Variants in PTPRG observed in about 807,000 individuals in gnomAD.
The protein encoded by PTPRG is receptor-type tyrosine-protein phosphatase gamma.
A neutral mutation model predicts 165.3 loss-of-function variants in PTPRG; 102 were observed. That is an observed-to-expected ratio of 0.62 (90% CI 0.53 to 0.73). The LOEUF (loss-of-function observed/expected upper bound fraction) is 0.73, where lower values mean the gene tolerates loss of function less well. Ranked by LOEUF, PTPRG falls within the 30% of genes least tolerant of loss-of-function variation. The pLI is 0.00. For missense variants in PTPRG, 1,866 were observed against 1,861.4 expected, an observed-to-expected ratio of 1.00 and a Z score of -0.05; for synonymous variants, 675 against 669.5, an observed-to-expected ratio of 1.01 and a Z score of -0.13.
At chr3:61,659,620 T>C (rs954714079) in intron 1 of PTPRG, among the ~76,000 whole-genome samples, 4 of 152,224 alleles carry the variant, frequency 2.6e-5, no homozygotes, top group African/African-American at 9.6e-5. Context: ...CCATGTGGTA[T>C]ACCCAGTAGA....
chr3:62,181,282 C>CTG (rs1254062616), intron 8 of PTPRG, among the ~76,000 whole-genome samples: 2 of 152,186 alleles, frequency 1.3e-5, no homozygotes, highest in Non-Finnish European at 2.9e-5. Flanking sequence ...AGATCCACCC[C>CTG]GGGATAAACC....
At chr3:62,117,699 T>A (rs780240061) in intron 5 of PTPRG, among the ~76,000 whole-genome samples, 1 of 152,212 alleles carries the variant, frequency 6.6e-6, no homozygotes, top group Non-Finnish European at 1.5e-5. Flanking sequence ...CTGGTTAACA[T>A]AGTATTAATA....
chr3:61,950,751 C>A (rs1205330730), intron 2 of PTPRG, among the ~76,000 whole-genome samples: 1 of 152,148 alleles, frequency 6.6e-6, no homozygotes, highest in Non-Finnish European at 1.5e-5. Context: ...CATGTTTATG[C>A]CTGCCACAGG....
intron 1 of PTPRG, among the ~76,000 whole-genome samples, chr3:61,563,706 C>T (rs778531950): frequency 6.6e-6 from 1 of 152,212 alleles, no homozygotes; most frequent in African/African-American, 2.4e-5. Flanking sequence ...TGGTTACAGA[C>T]GCCTGTCCTC....
At chr3:61,681,836 T>A (rs944022185) in intron 1 of PTPRG, among the ~76,000 whole-genome samples, 12 of 152,128 alleles carry the variant, frequency 7.9e-5, no homozygotes, top group African/African-American at 2.9e-4. Flanking sequence ...GATGTTGGCT[T>A]CATTTTCTTG....
At chr3:61,659,274 G>A (rs1702596287) in intron 1 of PTPRG, 1 of 980,932 alleles carries the variant, frequency 1.0e-6, no homozygotes, top group African/African-American at 1.7e-5. Context: ...TACAATGTAT[G>A]TTTTCTTTCA....
intron 6 of PTPRG, among the ~76,000 whole-genome samples, chr3:62,138,346 T>C (rs1381169115): frequency 6.6e-6 from 1 of 152,210 alleles, no homozygotes; most frequent in African/African-American, 2.4e-5. Flanking sequence ...TTGTTGCAAA[T>C]ATGAACAGTG....
chr3:61,907,678 C>T lies in PTPRG; in HGVS notation c.191-81947C>T, dbSNP rs1356169915. 4.6e-5 allele frequency among the ~76,000 whole-genome samples: 7 copies of T among 152,134 alleles called. No individual in the cohort carries two copies. The East Asian group carries it at 5.8e-4, about 13-fold the overall frequency. The stretch of plus-strand genomic sequence containing the variant: ...GTAATTAAGGGAACACAGATGATAA[C>T]GATTGGCCTGGAAGAATTCTTGGTT... On this transcript the variant is annotated intron_variant, in intron 2 of 29. Transcript: ENST00000474889.
intron 8 of PTPRG, among the ~76,000 whole-genome samples, chr3:62,173,033 C>A (rs979775244): frequency 6.6e-6 from 1 of 152,186 alleles, no homozygotes; most frequent in African/African-American, 2.4e-5. Flanking sequence ...ACATTGGTTC[C>A]AGGACCCCTA....
intron 2 of PTPRG, among the ~76,000 whole-genome samples, chr3:61,777,386 G>T (rs2034418398): frequency 6.6e-6 from 1 of 152,182 alleles, no homozygotes; most frequent in South Asian, 2.1e-4. Flanking sequence ...CAAAGGCAGA[G>T]AAATAAGCTT....
chr3:61,842,122 A>G (rs1005839486), intron 2 of PTPRG, among the ~76,000 whole-genome samples: 4 of 152,218 alleles, frequency 2.6e-5, no homozygotes, highest in Admixed American at 2.6e-4. Context: ...ACTGAACAGG[A>G]CAAGAGATAA....
chr3:61,742,775 C>T (rs1321471576), intron 1 of PTPRG: 2 of 1,611,774 alleles, frequency 1.2e-6, no homozygotes, highest in Admixed American at 3.3e-5. Flanking sequence ...GACTCTGAGG[C>T]CAAAAACGCA....
intron 1 of PTPRG, among the ~76,000 whole-genome samples, chr3:61,716,905 G>C (rs1270741011): frequency 6.6e-6 from 1 of 152,130 alleles, no homozygotes; most frequent in Non-Finnish European, 1.5e-5. Flanking sequence ...CTGGGCGGCA[G>C]AGGTTGCAGT....
chr3:62,042,561 C>G (rs895304470), intron 4 of PTPRG, among the ~76,000 whole-genome samples: 7 of 152,144 alleles, frequency 4.6e-5, no homozygotes, highest in African/African-American at 1.7e-4. Flanking sequence ...CCCGCACCGC[C>G]ACCCTGCATG....
intron 2 of PTPRG, among the ~76,000 whole-genome samples, chr3:61,773,593 A>G (rs551079989): frequency 6.6e-6 from 1 of 152,152 alleles, no homozygotes; most frequent in Non-Finnish European, 1.5e-5. Flanking sequence ...TCCTCCTATC[A>G]GTCCTAAGAG....
intron 13 of PTPRG, among the ~76,000 whole-genome samples, chr3:62,226,255 T>A (rs1394334958): frequency 6.6e-6 from 1 of 152,208 alleles, no homozygotes; most frequent in Non-Finnish European, 1.5e-5. Flanking sequence ...CATAGCCTAC[T>A]TTTATAGTGC....
chr3:61,681,560 A>G (rs1272250342), intron 1 of PTPRG, among the ~76,000 whole-genome samples: 2 of 152,096 alleles, frequency 1.3e-5, no homozygotes, highest in Non-Finnish European at 2.9e-5. Flanking sequence ...CGTTTGTTTC[A>G]CCTTGATATA....
At chr3:61,823,538 G>A (rs2036016661) in intron 2 of PTPRG, among the ~76,000 whole-genome samples, 1 of 141,454 alleles carries the variant, frequency 7.1e-6, no homozygotes, top group South Asian at 2.2e-4. Flanking sequence ...AGAGGAGCAA[G>A]TAGAACTTAA....
intron 6 of PTPRG, among the ~76,000 whole-genome samples, chr3:62,153,758 C>G (rs1034859942): frequency 2.0e-5 from 3 of 152,180 alleles, no homozygotes; most frequent in Admixed American, 6.5e-5. Context: ...CTACTGCAGC[C>G]TAGGAAGGTT....
Sources: allele counts gnomAD v4.1 joint callset (sites outside exome capture counted in the v4.1 genomes callset), GRCh38; gene constraint gnomAD v4.1.1; transcripts MANE v1.5; gene names NCBI Gene and HGNC (gene_info 2026-07-23, HGNC 2026-07-21).